The following GALNT17 variants were observed in gnomAD, a reference collection of about 807,000 sequenced individuals.
GALNT17 encodes the protein UDP-GalNAc:polypeptide N-acetylgalactosaminyltransferase-like 3.
In GALNT17, 29 loss-of-function variants were observed where a neutral mutation model predicts 63.7. The observed-to-expected ratio is 0.46, with a 90% CI of 0.34 to 0.62. The LOEUF is 0.62. Among genes scored for constraint, GALNT17 ranks in the 20% least tolerant of loss-of-function variants. GALNT17 has a pLI of 0.01. For synonymous variants in GALNT17, 305 were observed against 318.3 expected (o/e 0.96, Z 0.45); for missense variants, 603 against 799.6 (o/e 0.75, Z 2.97).
chr7:71,698,101 C>T (rs7788085), intron 9 of GALNT17, among the ~76,000 whole-genome samples: 19,993 of 133,336 alleles, frequency 0.15, 1,570 homozygotes, highest in African/African-American at 0.23. Context: ...CCAGCCTGCG[C>T]GACAAGAGCA....
chr7:71,150,154 G>C (rs1788103383), intron 1 of GALNT17, among the ~76,000 whole-genome samples: 1 of 152,164 alleles, frequency 6.6e-6, no homozygotes, highest in Non-Finnish European at 1.5e-5. Context: ...CACAGACCTA[G>C]GTTTGAGTGT....
At chr7:71,259,950 T>A (rs1790357105) in intron 1 of GALNT17, among the ~76,000 whole-genome samples, 1 of 152,184 alleles carries the variant, frequency 6.6e-6, no homozygotes. Context: ...CTCTTGGTCC[T>A]GTTTTATGGA....
intron 4 of GALNT17, among the ~76,000 whole-genome samples, chr7:71,420,619 C>T (rs1786644310): frequency 6.6e-6 from 1 of 152,102 alleles, no homozygotes; most frequent in Admixed American, 6.5e-5. Flanking sequence ...GGAAGGAGAC[C>T]CCATGTTCTG....
chr7:71,574,237 G>C (rs1422313802), intron 6 of GALNT17, among the ~76,000 whole-genome samples: 1 of 152,196 alleles, frequency 6.6e-6, no homozygotes, highest in Non-Finnish European at 1.5e-5. Context: ...AGCCGTTGTG[G>C]AAGGCAGTTT....
chr7:71,254,427 C>T (rs1377892020), intron 1 of GALNT17, among the ~76,000 whole-genome samples: 3 of 152,134 alleles, frequency 2.0e-5, no homozygotes, highest in Non-Finnish European at 4.4e-5. Flanking sequence ...TTTGCAGTGC[C>T]GTTTCAAAAT....
At chr7:71,363,861 G>A (rs973068549) in intron 2 of GALNT17, among the ~76,000 whole-genome samples, 6 of 152,146 alleles carry the variant, frequency 3.9e-5, no homozygotes, top group African/African-American at 1.4e-4. Context: ...TGAACAGTTG[G>A]CCACCTTTGA....
chr7:71,259,626 G>GT (rs1230386882), intron 1 of GALNT17, among the ~76,000 whole-genome samples: 27 of 137,148 alleles, frequency 2.0e-4, no homozygotes, highest in African/African-American at 7.6e-4. Flanking sequence ...TCTTGGTCCT[G>GT]TTTTGTTTTT....
At chr7:71,417,543 C>G (rs577317123) in intron 4 of GALNT17, among the ~76,000 whole-genome samples, 2 of 152,262 alleles carry the variant, frequency 1.3e-5, no homozygotes, top group South Asian at 4.1e-4. Context: ...AATCTGAGAA[C>G]TTGTCGGAAA....
At chr7:71,298,711 G>GGGGTGT (rs912627816) in intron 1 of GALNT17, among the ~76,000 whole-genome samples, 4 of 141,490 alleles carry the variant, frequency 2.8e-5, no homozygotes, top group African/African-American at 1.0e-4. Context: ...ATTCCAGTGG[G>GGGGTGT]GTGTGTGTGT....
At chr7:71,324,626 G>A (rs1008221857) in intron 1 of GALNT17, among the ~76,000 whole-genome samples, 10 of 152,086 alleles carry the variant, frequency 6.6e-5, no homozygotes, top group African/African-American at 2.4e-4. Flanking sequence ...CCACTGCACT[G>A]CAGCCTGGGT....
At chr7:71,151,083 G>A (rs1040738052) in intron 1 of GALNT17, among the ~76,000 whole-genome samples, 1 of 151,916 alleles carries the variant, frequency 6.6e-6, no homozygotes, top group Admixed American at 6.6e-5. Context: ...TGGGACCATT[G>A]TGTTCAGCCA....
At chr7:71,262,386 G>A (rs1368728649) in intron 1 of GALNT17, among the ~76,000 whole-genome samples, 1 of 152,136 alleles carries the variant, frequency 6.6e-6, no homozygotes, top group Admixed American at 6.5e-5. Context: ...AAAGTGCTGA[G>A]ATTACAGGTG....
chr7:71,474,830 A>G (rs1375546181), intron 5 of GALNT17, among the ~76,000 whole-genome samples: 1 of 152,162 alleles, frequency 6.6e-6, no homozygotes, highest in African/African-American at 2.4e-5. Context: ...GTTGTGATTC[A>G]TTCACTCCAC....
At chr7:71,141,681 T>TTTG (rs1554332404) in intron 1 of GALNT17, among the ~76,000 whole-genome samples, 1 of 146,080 alleles carries the variant, frequency 6.8e-6, no homozygotes, top group Non-Finnish European at 1.5e-5. Context: ...CTTTCTTTCT[T>TTTG]TTTTTTTTTT....
chr7:71,134,980 T>TA (rs1180093090), intron 1 of GALNT17, among the ~76,000 whole-genome samples: 1 of 151,436 alleles, frequency 6.6e-6, no homozygotes, highest in Non-Finnish European at 1.5e-5. Flanking sequence ...GCCTCCCAAG[T>TA]AGCTGGGTCT....
chr7:71,343,453 A>G (rs35182494), intron 2 of GALNT17, among the ~76,000 whole-genome samples: 9,557 of 152,280 alleles, frequency 0.063, 327 homozygotes, highest in Non-Finnish European at 0.087. Context: ...TAGCAGTGAG[A>G]TTAACCATTT....
chr7:71,256,412 A>G (rs1790290479), intron 1 of GALNT17, among the ~76,000 whole-genome samples: 1 of 152,122 alleles, frequency 6.6e-6, no homozygotes, highest in South Asian at 2.1e-4. Flanking sequence ...CTCTACAAAA[A>G]ATACAAAAAT....
At chr7:71,552,010 TTTTATTTATTTATTTATTTATTTA>T (rs202005508) in intron 5 of GALNT17, among the ~76,000 whole-genome samples, 12 of 128,318 alleles carry the variant, frequency 9.4e-5, no homozygotes, top group Non-Finnish European at 1.4e-4. Context: ...AGGTTGCTCT[TTTTATTTATTTATTTATTTATTTA>T]TTTATTTATT....
chr7:71,505,952 G>C (rs977727183), intron 5 of GALNT17, among the ~76,000 whole-genome samples: 1 of 152,124 alleles, frequency 6.6e-6, no homozygotes, highest in Non-Finnish European at 1.5e-5. Flanking sequence ...GAAGCCACAG[G>C]CCCCATTGTG....
Sources: allele counts gnomAD v4.1 joint callset (sites outside exome capture counted in the v4.1 genomes callset), GRCh38; gene constraint gnomAD v4.1.1; transcripts MANE v1.5; gene names NCBI Gene and HGNC (gene_info 2026-07-23, HGNC 2026-07-21).